Variants in CNOT4 observed in about 807,000 individuals in gnomAD.
CNOT4 encodes CCR4-NOT transcription complex subunit 4, also known as CCR4-associated factor 4.
In CNOT4, 8 loss-of-function variants were observed where a neutral mutation model predicts 73.8. The ratio of observed to expected loss-of-function variants is 0.11; its 90% CI spans 0.06 to 0.20. The LOEUF (loss-of-function observed/expected upper bound fraction) is 0.20, where lower values mean the gene tolerates loss of function less well. Among genes scored for constraint, CNOT4 ranks in the 10% least tolerant of loss-of-function variants. The pLI is 1.00. For synonymous variants in CNOT4, 293 were observed against 321.1 expected (o/e 0.91, Z 0.94); for missense variants, 564 against 883.4 (o/e 0.64, Z 4.58).
chr7:135,467,109 C>T (rs145644864), intron 1 of CNOT4, among the ~76,000 whole-genome samples: 8 of 152,188 alleles, frequency 5.3e-5, no homozygotes, highest in Non-Finnish European at 7.4e-5. Context: ...CTTTTTAAAA[C>T]GAAAGATCCT....
chr7:135,459,185 G>A (rs1344680632), intron 1 of CNOT4, among the ~76,000 whole-genome samples: 2 of 152,014 alleles, frequency 1.3e-5, no homozygotes, highest in Non-Finnish European at 2.9e-5. Flanking sequence ...CCAGGGCAAT[G>A]CACAGGGACA....
At chr7:135,450,710 G>A (rs1334165003) in intron 1 of CNOT4, among the ~76,000 whole-genome samples, 1 of 152,170 alleles carries the variant, frequency 6.6e-6, no homozygotes, top group East Asian at 1.9e-4. Flanking sequence ...TGCGTAAACT[G>A]AATCACACAT....
chr7:135,425,619 T>C (rs753693286), intron 2 of CNOT4, among the ~76,000 whole-genome samples: 3 of 152,322 alleles, frequency 2.0e-5, no homozygotes, highest in Admixed American at 6.5e-5. Context: ...GACAGAGTAT[T>C]CTACTACAAT....
At chr7:135,417,503 G>T (rs2129484316) in intron 3 of CNOT4, among the ~76,000 whole-genome samples, 1 of 152,304 alleles carries the variant, frequency 6.6e-6, no homozygotes, top group Middle Eastern at 3.4e-3. Flanking sequence ...AGTGGACACT[G>T]AGTCGGATAA....
intron 1 of CNOT4, among the ~76,000 whole-genome samples, chr7:135,501,174 G>A (rs1343707967): frequency 1.3e-5 from 2 of 151,746 alleles, no homozygotes; most frequent in Admixed American, 6.6e-5. Context: ...TAGTAGAGAC[G>A]GGGTTTCACT....
At chr7:135,376,437 A>G (rs1795526122) in intron 10 of CNOT4, among the ~76,000 whole-genome samples, 1 of 152,174 alleles carries the variant, frequency 6.6e-6, no homozygotes, top group Admixed American at 6.5e-5. Flanking sequence ...GGGACTGGCC[A>G]TTCCAAATGA....
intron 1 of CNOT4, among the ~76,000 whole-genome samples, chr7:135,506,373 T>C (rs1314281388): frequency 6.6e-6 from 1 of 152,222 alleles, no homozygotes; most frequent in Non-Finnish European, 1.5e-5. Context: ...ATGAGCTGAA[T>C]GTAACTTCCT....
At chr7:135,403,985 T>G (rs1178914392) in intron 7 of CNOT4, among the ~76,000 whole-genome samples, 2 of 152,166 alleles carry the variant, frequency 1.3e-5, no homozygotes, top group African/African-American at 2.4e-5. Flanking sequence ...AACCCTATCT[T>G]TAACTGCCCC....
At chr7:135,390,427 G>A (rs1489187745) in intron 10 of CNOT4, among the ~76,000 whole-genome samples, 1 of 151,808 alleles carries the variant, frequency 6.6e-6, no homozygotes, top group Non-Finnish European at 1.5e-5. Flanking sequence ...TAGAAAGAAG[G>A]CATATGGTTC....
Position 135,363,212 on chromosome 7 carries a change from GA to G in CNOT4, c.1841-27del. On this transcript the variant is annotated intron_variant, in intron 11 of 11. Transcript: ENST00000541284. The surrounding 1 kb of genome is among the most constrained non-coding windows in gnomAD (Gnocchi z 4.3). ...CTAAGGAGAGAAAAGAAAAAAGAGGGAAAATGGTGAGTTTGTGTGGAAAGAA... is the reference window on the plus strand; with the variant it reads ...CTAAGGAGAGAAAAGAAAAAAGAGGGAAATGGTGAGTTTGTGTGGAAAGAA... 6.2e-7 allele frequency: 1 copy of G among 1,605,104 alleles called. No homozygotes were observed.
chr7:135,478,181 G>T (rs1257459846), intron 1 of CNOT4, among the ~76,000 whole-genome samples: 1 of 152,010 alleles, frequency 6.6e-6, no homozygotes, highest in Non-Finnish European at 1.5e-5. Context: ...TATTGTTCCA[G>T]TTGTTAGGTA....
At chr7:135,473,425 T>C (rs988060545) in intron 1 of CNOT4, among the ~76,000 whole-genome samples, 1 of 151,996 alleles carries the variant, frequency 6.6e-6, no homozygotes, top group African/African-American at 2.4e-5. Flanking sequence ...CTCTGAAAAA[T>C]TTATTAAAGC....
At chr7:135,409,251 T>C (rs1797464936) in intron 7 of CNOT4, among the ~76,000 whole-genome samples, 1 of 152,096 alleles carries the variant, frequency 6.6e-6, no homozygotes, top group Non-Finnish European at 1.5e-5. Flanking sequence ...AAAATAACCA[T>C]ACAGGGCTAG....
chr7:135,446,488 C>T (rs1325188983), intron 1 of CNOT4, among the ~76,000 whole-genome samples: 11 of 152,080 alleles, frequency 7.2e-5, no homozygotes, highest in Admixed American at 6.6e-4. Context: ...AACTATAGTA[C>T]ATAACAGTAC....
chr7:135,478,908 T>C (rs1461944502), intron 1 of CNOT4, among the ~76,000 whole-genome samples: 5 of 152,174 alleles, frequency 3.3e-5, no homozygotes, highest in Admixed American at 1.3e-4. Context: ...TTTAAAAGGA[T>C]TGAAAAGAAA....
intron 1 of CNOT4, 57 bp downstream of exon 1, chr7:135,509,832 T>G: frequency 2.6e-6 from 1 of 389,290 alleles, no homozygotes; most frequent in Non-Finnish European, 4.5e-6. Context: ...AAGCCTCCGC[T>G]CTCTCGTAGC....
Position 135,398,218 on chromosome 7 carries a change from T to A in CNOT4, c.830A>T (p.Asp277Val). The A allele has an allele frequency of 2.0e-6, 3 of 1,524,170 alleles. No homozygotes were observed. The highest frequency in any genetic ancestry group is 2.7e-6 in the Non-Finnish European group (3 of 1,099,186). The allele number at this position is 1,524,170 out of a possible 1,614,324, so 94.4% of individuals were successfully genotyped here. ...TATACTGAGAGAATCTGAAGGTTTG[T>A]CAATGGGGCTATAAAAAGAAAACAA... ...TPLQRYDTPI[D>V]KPSDSLSIGN... Residue 277 changes from aspartate to valine, a missense_variant, in exon 8 of 12, where the codon GAC becomes GTC. Transcript: ENST00000541284.
At chr7:135,397,816 G>T (rs192250899) in intron 8 of CNOT4, among the ~76,000 whole-genome samples, 165 of 152,242 alleles carry the variant, frequency 1.1e-3, no homozygotes, top group Non-Finnish European at 2.1e-3. Flanking sequence ...AAAGTAGAGA[G>T]CAAGGGGCAA....
Position 135,478,469 on chromosome 7 carries a change from C to G in CNOT4, c.-93+31420G>C, listed in dbSNP as rs535001181. On this transcript the variant is annotated intron_variant, in intron 1 of 11. Transcript: ENST00000541284. The stretch of plus-strand genomic sequence containing the variant: ...GATATTATAAGAATAGGGCTGGGCA[C>G]GGTGGCTCAGATCACTTGTGTTCAG... 5.9e-5 allele frequency among the ~76,000 whole-genome samples: 9 copies of G among 152,228 alleles called. 1 individual carries two copies. In the South Asian group the frequency reaches 1.7e-3, roughly 28 times the overall value.
Sources: gnomAD v4.1 joint callset for allele counts (sites outside exome capture counted in the v4.1 genomes callset) on GRCh38, gnomAD v4.1.1 for gene constraint, Gnocchi (gnomAD v3.1) non-coding constraint, MANE v1.5 for transcripts, NCBI Gene and HGNC (gene_info 2026-07-23, HGNC 2026-07-21) for gene names.